Variants in TMEM132B observed in about 807,000 individuals in gnomAD.
TMEM132B encodes the protein transmembrane protein 132B.
A neutral mutation model predicts 90.8 loss-of-function variants in TMEM132B; 18 were observed. The ratio of observed to expected loss-of-function variants is 0.20; its 90% confidence interval spans 0.14 to 0.29. The LOEUF is 0.29. Ranked by LOEUF, TMEM132B falls within the 10% of genes least tolerant of loss-of-function variation. The pLI is 1.00. For synonymous variants in TMEM132B, 504 were observed against 523.3 expected (o/e 0.96, Z 0.50); for missense variants, 1,096 against 1,326.8 (o/e 0.83, Z 2.70).
At chr12:125,265,122 A>G (rs894455055) in intron 1 of TMEM132B, among the ~76,000 whole-genome samples, 1 of 152,218 alleles carries the variant, frequency 6.6e-6, no homozygotes, top group African/African-American at 2.4e-5. Flanking sequence ...AAACATCTCT[A>G]AACATGTATA....
At chr12:125,326,393 C>T (rs1015583565) in intron 1 of TMEM132B, among the ~76,000 whole-genome samples, 1 of 152,156 alleles carries the variant, frequency 6.6e-6, no homozygotes, top group Non-Finnish European at 1.5e-5. Flanking sequence ...CGTCAGTATT[C>T]CAGACTTGGT....
At chr12:125,311,655 C>T (rs1167643996) in intron 1 of TMEM132B, among the ~76,000 whole-genome samples, 1 of 152,184 alleles carries the variant, frequency 6.6e-6, no homozygotes, top group Non-Finnish European at 1.5e-5. Context: ...CTATTCTCAT[C>T]GAGGAGCCAG....
At chr12:125,604,915 C>G (rs767278609) in intron 5 of TMEM132B, among the ~76,000 whole-genome samples, 8 of 152,176 alleles carry the variant, frequency 5.3e-5, no homozygotes, top group Non-Finnish European at 8.8e-5. Flanking sequence ...GACAGACAAC[C>G]AGAGAATTTC....
chr12:125,394,391 C>A (rs930711737), intron 2 of TMEM132B, among the ~76,000 whole-genome samples: 1 of 152,158 alleles, frequency 6.6e-6, no homozygotes, highest in Non-Finnish European at 1.5e-5. Flanking sequence ...AGCAGACCAC[C>A]TGGTTGCTGC....
At chr12:125,540,224 A>G (rs1261815262) in intron 4 of TMEM132B, among the ~76,000 whole-genome samples, 1 of 152,166 alleles carries the variant, frequency 6.6e-6, no homozygotes, top group African/African-American at 2.4e-5. Context: ...GACTAGCTTT[A>G]TGGTGTAGAG....
intron 4 of TMEM132B, among the ~76,000 whole-genome samples, chr12:125,574,179 T>C (rs1010235719): frequency 2.0e-5 from 3 of 151,834 alleles, no homozygotes. Context: ...TTTTTTTTTT[T>C]AAATCAATCA....
chr12:125,229,185 T>C (rs1873758432), intron 1 of TMEM132B, among the ~76,000 whole-genome samples: 1 of 152,248 alleles, frequency 6.6e-6, no homozygotes, highest in African/African-American at 2.4e-5. Context: ...TGGCTTAAGC[T>C]GCTTTTAGTG....
At chr12:125,534,736 A>T (rs372321080) in intron 4 of TMEM132B, among the ~76,000 whole-genome samples, 36 of 111,676 alleles carry the variant, frequency 3.2e-4, no homozygotes, top group Admixed American at 6.2e-4. Flanking sequence ...TACTACCATC[A>T]CTACTACCAT....
chr12:125,587,689 G>T (rs1330305778), intron 5 of TMEM132B: 1 of 152,142 alleles, frequency 6.6e-6, no homozygotes, highest in Non-Finnish European at 1.5e-5. Flanking sequence ...GGTCACACTT[G>T]TGCTCCTAGT....
intron 1 of TMEM132B, among the ~76,000 whole-genome samples, chr12:125,338,575 C>T (rs946100942): frequency 6.6e-6 from 1 of 152,122 alleles, no homozygotes; most frequent in African/African-American, 2.4e-5. Flanking sequence ...TTTTTTGCGG[C>T]TCTAATTTCA....
intron 2 of TMEM132B, among the ~76,000 whole-genome samples, chr12:125,411,770 G>C (rs1346127917): frequency 6.6e-6 from 1 of 152,102 alleles, no homozygotes; most frequent in East Asian, 1.9e-4. Context: ...CAACCCGGAG[G>C]GGCCACCTTG....
intron 1 of TMEM132B, among the ~76,000 whole-genome samples, chr12:125,281,764 C>T (rs1875184445): frequency 6.6e-6 from 1 of 152,042 alleles, no homozygotes; most frequent in Admixed American, 6.5e-5. Flanking sequence ...CGCGGTGGCT[C>T]ACGCCTGTAA....
chr12:125,483,281 GA>G (rs1261794761), intron 3 of TMEM132B, among the ~76,000 whole-genome samples: 2 of 152,012 alleles, frequency 1.3e-5, no homozygotes, highest in African/African-American at 4.8e-5. Flanking sequence ...AAATATGTGA[GA>G]AAAAATAGTG....
chr12:125,494,237 T>A (rs2136569703), intron 3 of TMEM132B, among the ~76,000 whole-genome samples: 1 of 104,994 alleles, frequency 9.5e-6, no homozygotes, highest in Non-Finnish European at 1.9e-5. Context: ...TCCCTGGAAA[T>A]GGCCGTGTCC....
At chr12:125,259,325 G>A (rs553077284) in intron 1 of TMEM132B, among the ~76,000 whole-genome samples, 110 of 152,300 alleles carry the variant, frequency 7.2e-4, no homozygotes, top group Admixed American at 3.3e-4. Flanking sequence ...GATAAAATTC[G>A]TTGAATGAAT....
chr12:125,540,449 TGTA>T (rs1883923621), intron 4 of TMEM132B, among the ~76,000 whole-genome samples: 2 of 152,236 alleles, frequency 1.3e-5, no homozygotes, highest in South Asian at 4.1e-4. Flanking sequence ...TGTTTTTTGT[TGTA>T]GTTCTATCAG....
intron 2 of TMEM132B, among the ~76,000 whole-genome samples, chr12:125,378,964 C>G (rs1878578139): frequency 6.6e-6 from 1 of 152,116 alleles, no homozygotes; most frequent in Non-Finnish European, 1.5e-5. Context: ...GCCCCCACCC[C>G]CCTCAGTCCC....
chr12:125,496,791 T>C (rs1032897158), intron 3 of TMEM132B, among the ~76,000 whole-genome samples: 2 of 152,218 alleles, frequency 1.3e-5, no homozygotes, highest in African/African-American at 4.8e-5. Context: ...TTCAGTTTCC[T>C]CTACCCCCAC....
chr12:125,657,751 T>C lies in TMEM132B; in HGVS notation c.*3041T>C, dbSNP rs1887102395. On this transcript the variant is annotated 3_prime_UTR_variant, in exon 9 of 9. Coordinates refer to ENST00000682704, the MANE Select transcript of TMEM132B (RefSeq NM_001366854.1). Reference sequence around the variant, plus strand: ...AAAGTCCCTTCCTCTCCCATGGGAATGGAATGCTCAGACTCCTGCTGAGGG... The same window carrying C: ...AAAGTCCCTTCCTCTCCCATGGGAACGGAATGCTCAGACTCCTGCTGAGGG... The C allele has an allele frequency of 6.6e-6, 1 of 152,178 alleles. No homozygotes were observed. Among genetic ancestry groups the C allele is most frequent in the Non-Finnish European group, 1.5e-5 (1 of 68,030 alleles). The allele number at this position is 152,178 out of a possible 1,614,324, so 9.4% of individuals were successfully genotyped here.
Sources: gnomAD v4.1 joint callset for allele counts (sites outside exome capture counted in the v4.1 genomes callset) on GRCh38, gnomAD v4.1.1 for gene constraint, MANE v1.5 for transcripts, NCBI Gene and HGNC (gene_info 2026-07-23, HGNC 2026-07-21) for gene names.